Variants in PIP5K1B observed in about 807,000 individuals in gnomAD.
PIP5K1B encodes the protein phosphatidylinositol 4-phosphate 5-kinase type-1 beta.
Under a neutral mutation model 67.0 loss-of-function variants are expected in PIP5K1B, and 42 were observed. The observed-to-expected ratio is 0.63, with a 90% CI of 0.49 to 0.81. The LOEUF (loss-of-function observed/expected upper bound fraction) is 0.81, where lower values mean the gene tolerates loss of function less well. Among genes scored for constraint, PIP5K1B ranks in the 30% least tolerant of loss-of-function variants. PIP5K1B has a pLI of 0.00. For synonymous variants in PIP5K1B, 214 were observed against 231.4 expected, an observed-to-expected ratio of 0.92 and a Z score of 0.68; for missense variants, 459 against 646.3, an observed-to-expected ratio of 0.71 and a Z score of 3.14.
At chr9:68,814,083 C>T (rs898869958) in intron 2 of PIP5K1B, among the ~76,000 whole-genome samples, 2 of 152,092 alleles carry the variant, frequency 1.3e-5, no homozygotes, top group Admixed American at 6.5e-5. Flanking sequence ...AGAGTGCCAC[C>T]GTGCCACTCA....
intron 5 of PIP5K1B, among the ~76,000 whole-genome samples, chr9:68,871,810 C>T (rs866719634): frequency 1.3e-5 from 2 of 151,986 alleles, no homozygotes; most frequent in Non-Finnish European, 2.9e-5. Flanking sequence ...TTTACTGGCC[C>T]ATGGGATCCA....
At chr9:68,866,618 A>G (rs758876757) in intron 5 of PIP5K1B, among the ~76,000 whole-genome samples, 1 of 152,252 alleles carries the variant, frequency 6.6e-6, no homozygotes, top group Non-Finnish European at 1.5e-5. Context: ...AGAACTGTGC[A>G]TACAATTACA....
chr9:68,937,905 TG>T (rs1827350315), intron 13 of PIP5K1B, among the ~76,000 whole-genome samples: 1 of 152,214 alleles, frequency 6.6e-6, no homozygotes, highest in Non-Finnish European at 1.5e-5. Flanking sequence ...CATGTAGTTG[TG>T]CAGTTTTGAG....
intron 1 of PIP5K1B, chr9:68,728,987 G>T (rs1370570970): frequency 1.3e-5 from 2 of 152,204 alleles, no homozygotes; most frequent in African/African-American, 2.4e-5. Flanking sequence ...CCCTAATGGT[G>T]ATTGTGAGCC....
At chr9:68,835,856 T>C (rs1046063804) in intron 4 of PIP5K1B, among the ~76,000 whole-genome samples, 2 of 146,880 alleles carry the variant, frequency 1.4e-5, no homozygotes, top group Non-Finnish European at 3.0e-5. Context: ...TTTTTTTTGC[T>C]TTCCGTCATA....
intron 14 of PIP5K1B, among the ~76,000 whole-genome samples, chr9:68,944,190 A>T (rs1340783154): frequency 6.6e-6 from 1 of 152,242 alleles, no homozygotes; most frequent in Non-Finnish European, 1.5e-5. Flanking sequence ...ATTGCTTCCT[A>T]GTTAACTAGC....
intron 11 of PIP5K1B, among the ~76,000 whole-genome samples, chr9:68,922,395 G>A (rs898124418): frequency 4.0e-5 from 6 of 149,692 alleles, no homozygotes; most frequent in African/African-American, 7.4e-5. Flanking sequence ...TCCGGGAGGC[G>A]GAGGTTGCAG....
chr9:68,986,959 A>G (rs1193495183), intron 14 of PIP5K1B, among the ~76,000 whole-genome samples: 1 of 152,214 alleles, frequency 6.6e-6, no homozygotes, highest in Admixed American at 6.6e-5. Flanking sequence ...TTAAAAAAAA[A>G]TAAATTTTGG....
chr9:68,823,307 AG>A (rs1833822921), intron 4 of PIP5K1B, among the ~76,000 whole-genome samples: 1 of 152,176 alleles, frequency 6.6e-6, no homozygotes, highest in Non-Finnish European at 1.5e-5. Context: ...TATTGAGTGA[AG>A]AGAGTTGTTT....
At chr9:68,718,368 T>G (rs1202043040) in intron 1 of PIP5K1B, among the ~76,000 whole-genome samples, 3 of 152,220 alleles carry the variant, frequency 2.0e-5, no homozygotes, top group Admixed American at 1.3e-4. Context: ...CTAATTTATT[T>G]TAGTAAGAAC....
rs1385647780 is a variant in PIP5K1B at position 68,876,735 on chromosome 9, G to A, written c.259G>A (p.Ala87Thr). Residue 87 changes from alanine (A) to threonine (T), a missense_variant, in exon 6 of 16, where the codon GCT becomes ACT. Transcript: ENST00000265382. ...HYPDFRFKTY[A>T]PLAFRYFREL... is the part of the protein sequence containing the mutation. ...CCCAGACTTTAGATTTAAGACATAC[G>A]CTCCATTAGCATTCCGATATTTCAG... 1.2e-6 allele frequency: 2 copies of A among 1,611,058 alleles called. No homozygotes were observed. The highest frequency in any genetic ancestry group is 1.7e-6 in the Non-Finnish European group (2 of 1,177,354).
intron 4 of PIP5K1B, among the ~76,000 whole-genome samples, chr9:68,846,204 A>G (rs1465180205): frequency 2.6e-5 from 4 of 152,188 alleles, no homozygotes; most frequent in South Asian, 2.1e-4. Context: ...CTACATTCTA[A>G]ATTTTAAAGC....
intron 2 of PIP5K1B, among the ~76,000 whole-genome samples, chr9:68,812,654 G>A (rs1216125667): frequency 1.3e-5 from 2 of 152,204 alleles, no homozygotes; most frequent in Admixed American, 6.5e-5. Flanking sequence ...TGCATTCCAG[G>A]CTCTTGCCAG....
At chr9:68,924,852 G>GAA (rs149515791) in intron 12 of PIP5K1B, among the ~76,000 whole-genome samples, 2 of 149,862 alleles carry the variant, frequency 1.3e-5, no homozygotes, top group East Asian at 1.9e-4. Context: ...ACAAGAAGAT[G>GAA]AAAAAAAAAT....
In PIP5K1B at chr9:68,794,136, C is replaced by A. The variant is rs543721745; in HGVS notation, c.-85-24325C>A. 5.7e-4 allele frequency among the ~76,000 whole-genome samples: 86 copies of A among 152,170 alleles called. No individual in the cohort carries two copies. In the South Asian group the frequency reaches 0.012, roughly 21 times the overall value. The stretch of plus-strand genomic sequence containing the variant: ...CAAGTCACCTGTGTGAGAGTCATTG[C>A]GGTGGAGTGGTGCAGTTGGAGCCTG... On this transcript the variant is annotated intron_variant, in intron 2 of 15. Coordinates refer to ENST00000265382, the MANE Select transcript of PIP5K1B (RefSeq NM_003558.4).
chr9:68,872,650 T>TA (rs1823684261), intron 5 of PIP5K1B, among the ~76,000 whole-genome samples: 1 of 152,240 alleles, frequency 6.6e-6, no homozygotes, highest in Admixed American at 6.5e-5. Context: ...TTATCACTGT[T>TA]ACTTGTGGCT....
chr9:68,741,792 T>G (rs1046980298), intron 1 of PIP5K1B: 2 of 152,294 alleles, frequency 1.3e-5, no homozygotes, highest in African/African-American at 4.8e-5. Flanking sequence ...CCCCCAGTTA[T>G]CACTTTCTCC....
intron 1 of PIP5K1B, among the ~76,000 whole-genome samples, chr9:68,721,603 G>A (rs1827885630): frequency 6.6e-6 from 1 of 152,172 alleles, no homozygotes; most frequent in Admixed American, 6.5e-5. Context: ...CAGGTAGGAT[G>A]TGGCTGTAAG....
At chr9:68,989,989 A>G (rs1025924550) in intron 14 of PIP5K1B, among the ~76,000 whole-genome samples, 2 of 152,204 alleles carry the variant, frequency 1.3e-5, no homozygotes, top group Admixed American at 6.5e-5. Context: ...CTCAAAAAAA[A>G]AAACAAGAGG....
Sources: allele counts gnomAD v4.1 joint callset (sites outside exome capture counted in the v4.1 genomes callset), GRCh38; gene constraint gnomAD v4.1.1; transcripts MANE v1.5; gene names NCBI Gene and HGNC (gene_info 2026-07-23, HGNC 2026-07-21).